Variants in LAMA4 observed in about 807,000 individuals in gnomAD.
LAMA4 encodes the protein laminin subunit alpha 4, also known as laminin subunit alpha-4.
Under a neutral mutation model 207.1 loss-of-function variants are expected in LAMA4, and 127 were observed. That is an observed-to-expected ratio of 0.61 (90% CI 0.53 to 0.71). The LOEUF is 0.71. Ranked by LOEUF, LAMA4 falls within the 30% of genes least tolerant of loss-of-function variation. The pLI is 0.00. For missense variants in LAMA4, 2,093 were observed against 2,246.5 expected (o/e 0.93, Z 1.38); for synonymous variants, 761 against 816.0 (o/e 0.93, Z 1.15).
chr6:112,110,543 T>G (rs1354161779), intron 38 of LAMA4, among the ~76,000 whole-genome samples: 1 of 152,310 alleles, frequency 6.6e-6, no homozygotes, highest in Non-Finnish European at 1.5e-5. Flanking sequence ...CATTTTATAT[T>G]TAGAATGATA....
At chr6:112,154,739 T>C (rs1780602201) in intron 16 of LAMA4, 112 bp downstream of exon 16, 2 of 769,652 alleles carry the variant, frequency 2.6e-6, no homozygotes, top group Non-Finnish European at 4.7e-6. Context: ...TGATATGTTA[T>C]GTAGTTATAA....
chr6:112,216,007 G>A (rs1784604847), intron 3 of LAMA4, among the ~76,000 whole-genome samples: 1 of 152,148 alleles, frequency 6.6e-6, no homozygotes, highest in Non-Finnish European at 1.5e-5. Context: ...TGGTTTATGT[G>A]GAACGAAGCC....
chr6:112,141,885 C>T (rs1173696359), intron 20 of LAMA4, among the ~76,000 whole-genome samples: 2 of 152,160 alleles, frequency 1.3e-5, no homozygotes, highest in African/African-American at 2.4e-5. Flanking sequence ...CATTCAGACT[C>T]ATCAAAGTTA....
chr6:112,112,461 T>C (rs3777947), intron 38 of LAMA4, among the ~76,000 whole-genome samples: 37,861 of 152,138 alleles, frequency 0.25, 4,722 homozygotes, highest in East Asian at 0.32. Flanking sequence ...TCCTGGAGGC[T>C]CTTGGGAACC....
chr6:112,142,903 A>C (rs916056781), intron 19 of LAMA4, among the ~76,000 whole-genome samples: 9 of 152,234 alleles, frequency 5.9e-5, no homozygotes, highest in Admixed American at 5.2e-4. Context: ...TGTTGTGAGC[A>C]TGAAATACGA....
In LAMA4 at chr6:112,150,604, T is replaced by A. The variant is rs782506127; in HGVS notation, c.2080A>T (p.Thr694Ser). ...ESSSDEAVAD[T>S]SRRVGGALAR... ...AGGGCTCCACCCACACGCCTGCTAGTGTCAGCCACTGCTTCATCACTGCCT... is the reference window on the plus strand; with the variant it reads ...AGGGCTCCACCCACACGCCTGCTAGAGTCAGCCACTGCTTCATCACTGCCT... The change falls in exon 17 of 39, where the codon ACT becomes TCT. Residue 694 changes from threonine (T) to serine (S), a missense_variant. Thr to Ser is a moderately conservative substitution (Grantham distance 58, BLOSUM62 1). Coordinates refer to ENST00000230538, the MANE Select transcript of LAMA4 (RefSeq NM_001105206.3). The A allele has an allele frequency of 1.2e-6, 2 of 1,613,980 alleles. No homozygotes were observed. The highest frequency in any genetic ancestry group is 1.7e-6 in the Non-Finnish European group (2 of 1,179,838).
chr6:112,215,079 A>G lies in LAMA4; in HGVS notation c.297+1289T>C, dbSNP rs72950272. On this transcript the variant is annotated intron_variant, in intron 3 of 38. Transcript: ENST00000230538. ...ATCAGAGATGTACGTTATTAGTTCA[A>G]GTGTATCCATGGGATTTTTCCCCCC... Among the ~76,000 whole-genome samples, 211 of 152,344 alleles carry G rather than the reference A, an allele frequency of 1.4e-3. 1 individual carries two copies. The highest frequency in any genetic ancestry group is 2.1e-3 in the Non-Finnish European group (141 of 68,034).
chr6:112,252,960 A>G (rs1477894585), intron 2 of LAMA4, among the ~76,000 whole-genome samples: 9 of 152,208 alleles, frequency 5.9e-5, no homozygotes, highest in African/African-American at 1.9e-4. Flanking sequence ...CATGCACCTT[A>G]TTTTTAATCA....
At chr6:112,166,429 G>A (rs1265626140) in intron 12 of LAMA4, 1 of 152,196 alleles carries the variant, frequency 6.6e-6, no homozygotes, top group Non-Finnish European at 1.5e-5. Context: ...TACAGCAAAA[G>A]CAATACTGTA....
chr6:112,200,907 A>G (rs1783707172), intron 5 of LAMA4, among the ~76,000 whole-genome samples: 1 of 152,150 alleles, frequency 6.6e-6, no homozygotes, highest in Non-Finnish European at 1.5e-5. Flanking sequence ...GGGGAGGGAT[A>G]GCATTAGGAG....
chr6:112,128,536 A>C (rs1455689198), intron 31 of LAMA4, among the ~76,000 whole-genome samples: 1 of 152,164 alleles, frequency 6.6e-6, no homozygotes, highest in African/African-American at 2.4e-5. Context: ...GACTATAGTT[A>C]ACAATAACTT....
At chr6:112,159,721 C>T (rs1228732470) in intron 13 of LAMA4, among the ~76,000 whole-genome samples, 1 of 152,230 alleles carries the variant, frequency 6.6e-6, no homozygotes, top group Non-Finnish European at 1.5e-5. Flanking sequence ...ACTTCTTCCA[C>T]ACTTCTGATG....
chr6:112,204,745 G>C (rs1250176696), intron 4 of LAMA4, among the ~76,000 whole-genome samples: 1 of 152,186 alleles, frequency 6.6e-6, no homozygotes, highest in Non-Finnish European at 1.5e-5. Flanking sequence ...ACATACTTGA[G>C]TGAAAATAAC....
At chr6:112,152,720 A>G (rs1051464148) in intron 16 of LAMA4, among the ~76,000 whole-genome samples, 1 of 151,978 alleles carries the variant, frequency 6.6e-6, no homozygotes, top group Non-Finnish European at 1.5e-5. Context: ...CCCCCCAGAT[A>G]TGTGTATAAT....
At chr6:112,190,963 T>C (rs1783071514) in intron 6 of LAMA4, among the ~76,000 whole-genome samples, 3 of 146,232 alleles carry the variant, frequency 2.1e-5, no homozygotes, top group Admixed American at 6.9e-5. Flanking sequence ...TTTCTTTCTT[T>C]CTTTCTTTCT....
chr6:112,134,699 C>T lies in LAMA4; in HGVS notation c.3415-90G>A. 5.8e-6 allele frequency: 6 copies of T among 1,042,934 alleles called. No homozygotes were observed. In the Admixed American group the frequency reaches 1.1e-4, roughly 19 times the overall value. 64.6% of individuals were successfully genotyped at this position (1,042,934 alleles called of 1,614,324 possible). The stretch of plus-strand genomic sequence containing the variant: ...TATATATTTTAATTCTCCTGGTATA[C>T]TAGCTGTTCTTCCATGCCTTTGTGC... On this transcript the variant is annotated intron_variant, in intron 25 of 38. Transcript: ENST00000230538.
chr6:112,246,765 C>A (rs1786973225), intron 2 of LAMA4, among the ~76,000 whole-genome samples: 1 of 152,146 alleles, frequency 6.6e-6, no homozygotes, highest in Non-Finnish European at 1.5e-5. Flanking sequence ...TGTGATCCAC[C>A]CATCTTGGCC....
At position 112,144,782 on chromosome 6, in the gene LAMA4, T is replaced by G; in HGVS notation, c.2493+12A>C. 1 of 1,612,466 alleles carries G rather than the reference T, an allele frequency of 6.2e-7. No homozygotes were observed. Among genetic ancestry groups the G allele is most frequent in the South Asian group, 1.1e-5 (1 of 91,050 alleles). On this transcript the variant is annotated intron_variant, in intron 19 of 38. Transcript: ENST00000230538. Reference sequence around the variant, plus strand: ...TACCGCTGACTGACTGATGAGTCTTTTCATCAGTTACCTTGCTGGCAACAC... The same window carrying G: ...TACCGCTGACTGACTGATGAGTCTTGTCATCAGTTACCTTGCTGGCAACAC...
chr6:112,186,923 A>G (rs1782719175), intron 8 of LAMA4: 5 of 454,772 alleles, frequency 1.1e-5, no homozygotes, highest in Non-Finnish European at 2.2e-5. Context: ...AGGAGAAACA[A>G]GGTGTGTGTG....
Sources: gnomAD v4.1 joint callset for allele counts (sites outside exome capture counted in the v4.1 genomes callset) on GRCh38, gnomAD v4.1.1 for gene constraint, MANE v1.5 for transcripts, NCBI Gene and HGNC (gene_info 2026-07-23, HGNC 2026-07-21) for gene names.